The following DOHH variants were observed in gnomAD, a reference collection of about 807,000 sequenced individuals.
DOHH encodes the protein HEAT-like (PBS lyase) repeat containing 1.
A neutral mutation model predicts 19.9 loss-of-function variants in DOHH; 16 were observed. That is an observed-to-expected ratio of 0.80 (90% CI 0.54 to 1.22). The LOEUF (loss-of-function observed/expected upper bound fraction) is 1.22, where lower values mean the gene tolerates loss of function less well. Among genes scored for constraint, DOHH ranks in the 50% most tolerant of loss-of-function variants. The pLI is 0.00. For synonymous variants in DOHH, 233 were observed against 217.0 expected (o/e 1.07, Z -0.65); for missense variants, 460 against 460.6 (o/e 1.00, Z 0.01).
At chr19:3,498,322 C>G (rs2082924911) in intron 1 of DOHH, among the ~76,000 whole-genome samples, 1 of 152,150 alleles carries the variant, frequency 6.6e-6, no homozygotes, top group African/African-American at 2.4e-5. Context: ...CCAGTGCCCT[C>G]ATACAAAGGC....
rs2082868861 is a variant in DOHH at position 3,491,499 on chromosome 19, G to T, written c.902C>A (p.Pro301His). 1.3e-6 allele frequency: 2 copies of T among 1,533,510 alleles called. No individual in the cohort carries two copies. Among genetic ancestry groups the T allele is most frequent in the Non-Finnish European group, 1.7e-6 (2 of 1,146,090 alleles). The allele number at this position is 1,533,510 out of a possible 1,614,324, so 95.0% of individuals were successfully genotyped here. The stretch of plus-strand genomic sequence containing the variant: ...CCGGGTGAGGGTGGGGCCCTAGGAG[G>T]GGGCCCCGCGCAGCTGCTCCAGGCC... ...ADGLEQLRGA[P>H]S Residue 301 changes from proline (P) to histidine (H), a missense_variant, in exon 5 of 5, where the codon CCC becomes CAC. By Grantham distance (77) the Pro-to-His change is moderately conservative (BLOSUM62 -2). Transcript: ENST00000427575. This position sits in a 1 kb window ranked among gnomAD's most constrained non-coding sequence, Gnocchi z 5.6.
chr19:3,499,780 TAAATA>T (rs1568224254), intron 1 of DOHH, among the ~76,000 whole-genome samples: 2 of 152,132 alleles, frequency 1.3e-5, no homozygotes, highest in South Asian at 2.1e-4. Context: ...TCAAAATAAA[TAAATA>T]AAATAAAAAC....
chr19:3,496,789 G>A lies in DOHH; in HGVS notation c.26C>T (p.Ala9Val). 1 of 1,597,418 alleles carries A rather than the reference G, an allele frequency of 6.3e-7. No homozygotes were observed. Among genetic ancestry groups the A allele is most frequent in the Non-Finnish European group, 8.5e-7 (1 of 1,173,124 alleles). The stretch of plus-strand genomic sequence containing the variant: ...GGGGTCCACCAGCGTCTGCCCGATG[G>A]CATCCACCTCCTGCTCCGTCACCAT... Reference protein sequence around the residue: MVTEQEVDAIGQTLVDPKQ... With the variant: MVTEQEVDVIGQTLVDPKQ... Residue 9 changes from alanine to valine, a missense_variant, in exon 2 of 5, where the codon GCC becomes GTC. Physicochemically the swap from Ala to Val is moderately conservative, Grantham distance 64. Transcript: ENST00000427575. The surrounding 1 kb of genome is among the most constrained non-coding windows in gnomAD (Gnocchi z 4.8).
rs749005433 is a variant in DOHH, at chr19:3,491,507, G to A, written c.894C>T (p.Arg298=). The change falls in exon 5 of 5, where the codon CGC becomes CGT. Residue 298 remains arginine, a synonymous_variant. Transcript: ENST00000427575. The surrounding 1 kb of genome is among the most constrained non-coding windows in gnomAD (Gnocchi z 5.6). The stretch of plus-strand genomic sequence containing the variant: ...GGGTGGGGCCCTAGGAGGGGGCCCC[G>A]CGCAGCTGCTCCAGGCCGTCCGCGT... ...FQYADGLEQL[R]GAPS is the part of the protein sequence containing the mutation. 4.4e-5 allele frequency: 68 copies of A among 1,534,126 alleles called. No individual in the cohort carries two copies. Among genetic ancestry groups the A allele is most frequent in the Non-Finnish European group, 5.6e-5 (64 of 1,146,292 alleles).
intron 2 of DOHH, among the ~76,000 whole-genome samples, chr19:3,495,612 A>C (rs2082902668): frequency 6.6e-6 from 1 of 152,166 alleles, no homozygotes. Flanking sequence ...TTTTTAAAAC[A>C]CTTTTAAGGG....
chr19:3,491,912 CA>C lies in DOHH; in HGVS notation c.590-102del, dbSNP rs796607405. On this transcript the variant is annotated intron_variant, in intron 4 of 4. Coordinates refer to ENST00000427575, the MANE Select transcript of DOHH (RefSeq NM_001145165.2). This position sits in a 1 kb window ranked among gnomAD's most constrained non-coding sequence, Gnocchi z 5.6. ...CTTGCTATCTTGCCCAGGCAGGTCA[CA>C]AAGTCCTGGCGATCTTCCCATCCCG... 5.1e-5 allele frequency: 64 copies of C among 1,247,528 alleles called. No homozygotes were observed. The African/African-American group carries it at 9.6e-4, about 19-fold the overall frequency. The allele number at this position is 1,247,528 out of a possible 1,614,324, so 77.3% of individuals were successfully genotyped here. A position where few individuals can be genotyped will look rare whatever the true frequency, so the allele number is the denominator to read the frequency against.
At chr19:3,498,755 C>A (rs2082928315) in intron 1 of DOHH, among the ~76,000 whole-genome samples, 1 of 152,118 alleles carries the variant, frequency 6.6e-6, no homozygotes, top group Admixed American at 6.6e-5. Context: ...ACAAGTTTTA[C>A]TGGGTGTCTG....
rs2082889961 is a variant in DOHH, at chr19:3,494,046, G to C, written c.333C>G (p.Ser111=). 1 of 1,613,736 alleles carries C rather than the reference G, an allele frequency of 6.2e-7. No individual in the cohort carries two copies. The highest frequency in any genetic ancestry group is 1.3e-5 in the African/African-American group (1 of 75,028). Reference sequence around the variant, plus strand: ...TGGTTACCTCGATGACGGGGTCCGAGGAATACTGCTTCAGGATCTCCAGAA... The same window carrying C: ...TGGTTACCTCGATGACGGGGTCCGACGAATACTGCTTCAGGATCTCCAGAA... The part of the protein sequence containing the change: ...PEVLEILKQY[S]SDPVIEVAET... The change falls in exon 3 of 5, where the codon TCC becomes TCG. Residue 111 remains serine (S), a synonymous_variant. Coordinates refer to ENST00000427575, the MANE Select transcript of DOHH (RefSeq NM_001145165.2).
chr19:3,497,969 T>C (rs2082922425), intron 1 of DOHH, among the ~76,000 whole-genome samples: 1 of 152,110 alleles, frequency 6.6e-6, no homozygotes, highest in South Asian at 2.1e-4. Flanking sequence ...GATAACAGAT[T>C]CAGAAGTACT....
intron 1 of DOHH, among the ~76,000 whole-genome samples, chr19:3,499,704 G>A (rs1157772076): frequency 6.6e-6 from 1 of 152,172 alleles, no homozygotes; most frequent in Non-Finnish European, 1.5e-5. Flanking sequence ...CTCGAGAGGC[G>A]GAGGTTGCAG....
Position 3,496,356 on chromosome 19 carries a change from G to A in DOHH, c.274+185C>T, listed in dbSNP as rs2082907246. 6.6e-6 allele frequency among the ~76,000 whole-genome samples: 1 copy of A among 152,240 alleles called. No individual in the cohort carries two copies. The highest frequency in any genetic ancestry group is 1.5e-5 in the Non-Finnish European group (1 of 68,040). ...ACACAGCCTTAGCCATTTGGTGACA[G>A]ATGACCTGCGCTGGCTTTATTGAGT... On this transcript the variant is annotated intron_variant, in intron 2 of 4. Coordinates refer to ENST00000427575, the MANE Select transcript of DOHH (RefSeq NM_001145165.2). This position sits in a 1 kb window ranked among gnomAD's most constrained non-coding sequence, Gnocchi z 4.8.
At chr19:3,493,368 T>TG (rs1303131083) in intron 3 of DOHH, among the ~76,000 whole-genome samples, 4 of 152,020 alleles carry the variant, frequency 2.6e-5, no homozygotes, top group Non-Finnish European at 2.9e-5. Flanking sequence ...CCCAGCACTT[T>TG]GGAGGCCAAG....
rs2082867486 is a variant in DOHH, at chr19:3,491,304, G to C, written c.*188C>G. ...GCGCCAGGCCCCGAGGAGCAGTCAG[G>C]GGACTCAGGGAGTCACAGCACAACG... On this transcript the variant is annotated 3_prime_UTR_variant, in exon 5 of 5. Coordinates refer to ENST00000427575, the MANE Select transcript of DOHH (RefSeq NM_001145165.2). This position sits in a 1 kb window ranked among gnomAD's most constrained non-coding sequence, Gnocchi z 5.6. 7.8e-6 allele frequency: 5 copies of C among 641,966 alleles called. No individual in the cohort carries two copies. Among genetic ancestry groups the C allele is most frequent in the Non-Finnish European group, 1.3e-5 (5 of 381,178 alleles). 39.8% of individuals were successfully genotyped at this position (641,966 alleles called of 1,614,324 possible). A position where few individuals can be genotyped will look rare whatever the true frequency, so the allele number is the denominator to read the frequency against.
chr19:3,493,985 A>G (rs760218452), intron 3 of DOHH, 43 bp downstream of exon 3: 16 of 1,587,688 alleles, frequency 1.0e-5, no homozygotes, highest in Middle Eastern at 1.7e-4. Flanking sequence ...AGGGCTTCCC[A>G]GGGACCCGAG....
Position 3,491,225 on chromosome 19 carries a change from A to ACC in DOHH, c.*266_*267insGG. 1.9e-6 allele frequency: 1 copy of ACC among 534,336 alleles called. No homozygotes were observed. Among genetic ancestry groups the ACC allele is most frequent in the Non-Finnish European group, 3.3e-6 (1 of 307,046 alleles). 33.1% of individuals were successfully genotyped at this position (534,336 alleles called of 1,614,324 possible). A position where few individuals can be genotyped will look rare whatever the true frequency, so the allele number is the denominator to read the frequency against. On this transcript the variant is annotated 3_prime_UTR_variant, in exon 5 of 5. Coordinates refer to ENST00000427575, the MANE Select transcript of DOHH (RefSeq NM_001145165.2). The surrounding 1 kb of genome is among the most constrained non-coding windows in gnomAD (Gnocchi z 5.6). ...TCCCCTGTCCTGAGCCGGGCATCCCAGAGCCTCCCGCAGAGTCCCACCCCA... is the reference window on the plus strand; with the variant it reads ...TCCCCTGTCCTGAGCCGGGCATCCCACCGAGCCTCCCGCAGAGTCCCACCCCA...
chr19:3,496,756 G>T lies in DOHH; in HGVS notation c.59C>A (p.Pro20His). The stretch of plus-strand genomic sequence containing the variant: ...CAGCGCCCGGAAGCGGGCCTGCAGG[G>T]GCTGCTTGGGGTCCACCAGCGTCTG... ...IGQTLVDPKQ[P>H]LQARFRALFT... is the part of the protein sequence containing the mutation. Residue 20 changes from proline (P) to histidine (H), a missense_variant, in exon 2 of 5, where the codon CCC (proline) becomes CAC (histidine). Pro to His is a moderately conservative substitution (Grantham distance 77). Coordinates refer to ENST00000427575, the MANE Select transcript of DOHH (RefSeq NM_001145165.2). This position sits in a 1 kb window ranked among gnomAD's most constrained non-coding sequence, Gnocchi z 4.8. The T allele has an allele frequency of 6.2e-7, 1 of 1,609,164 alleles. No homozygotes were observed.
At chr19:3,494,861 C>T (rs1023020197) in intron 2 of DOHH, among the ~76,000 whole-genome samples, 1 of 152,264 alleles carries the variant, frequency 6.6e-6, no homozygotes, top group Non-Finnish European at 1.5e-5. Flanking sequence ...GCACCTCCCA[C>T]GCGCTAATTG....
Position 3,491,612 on chromosome 19 carries a change from G to A in DOHH, c.789C>T (p.Asp263=), listed in dbSNP as rs1378404065. 15 of 1,535,720 alleles carry A rather than the reference G, an allele frequency of 9.8e-6. No homozygotes were observed. The highest frequency in any genetic ancestry group is 2.4e-5 in the South Asian group (2 of 84,042). The change falls in exon 5 of 5, where the codon GAC becomes GAT. Residue 263 remains aspartate (D), a synonymous_variant. Coordinates refer to ENST00000427575, the MANE Select transcript of DOHH (RefSeq NM_001145165.2). This position sits in a 1 kb window ranked among gnomAD's most constrained non-coding sequence, Gnocchi z 5.6. ...ACLAALQAHA[D]DPERVVRESC... is the part of the protein sequence containing the mutation. ...TCTCACGCACCACGCGCTCTGGGTC[G>A]TCCGCGTGAGCCTGCAGCGCGGCCA...
At chr19:3,494,321 T>C (rs1319409140) in intron 2 of DOHH, among the ~76,000 whole-genome samples, 2 of 152,114 alleles carry the variant, frequency 1.3e-5, no homozygotes, top group African/African-American at 4.8e-5. Flanking sequence ...GAACCGCACC[T>C]GGCTGCCGCT....
Sources: gnomAD v4.1 joint callset for allele counts (sites outside exome capture counted in the v4.1 genomes callset) on GRCh38, gnomAD v4.1.1 for gene constraint, Gnocchi (gnomAD v3.1) non-coding constraint, MANE v1.5 for transcripts, NCBI Gene and HGNC (gene_info 2026-07-23, HGNC 2026-07-21) for gene names.